Variants in RHOJ observed in about 807,000 individuals in gnomAD.
RHOJ encodes rho-related GTP-binding protein RhoJ.
A neutral mutation model predicts 23.4 loss-of-function variants in RHOJ; 11 were observed. That is an observed-to-expected ratio of 0.47 (90% CI 0.30 to 0.78). The LOEUF (loss-of-function observed/expected upper bound fraction) is 0.78, where lower values mean the gene tolerates loss of function less well. Among genes scored for constraint, RHOJ ranks in the 30% least tolerant of loss-of-function variants. RHOJ has a pLI of 0.08. For missense variants in RHOJ, 254 were observed against 273.4 expected (o/e 0.93, Z 0.50); for synonymous variants, 102 against 102.7 (o/e 0.99, Z 0.04).
chr14:63,258,097 G>A (rs930295901), intron 1 of RHOJ, among the ~76,000 whole-genome samples: 2 of 145,432 alleles, frequency 1.4e-5, no homozygotes, highest in South Asian at 2.1e-4. Context: ...GCTCAGTGGC[G>A]GGCGCCTGTC....
chr14:63,209,490 G>A (rs187487692), intron 1 of RHOJ, among the ~76,000 whole-genome samples: 218 of 109,984 alleles, frequency 2.0e-3, no homozygotes, highest in East Asian at 2.8e-3. Context: ...ATACTATTCC[G>A]CTAGATCCCC....
intron 1 of RHOJ, among the ~76,000 whole-genome samples, chr14:63,234,033 CT>C (rs1283086681): frequency 6.6e-6 from 1 of 152,244 alleles, no homozygotes; most frequent in African/African-American, 2.4e-5. Context: ...CAGTCCCACA[CT>C]CTCATTTCCA....
chr14:63,223,786 C>T (rs1249582321), intron 1 of RHOJ, among the ~76,000 whole-genome samples: 1 of 152,142 alleles, frequency 6.6e-6, no homozygotes, highest in Non-Finnish European at 1.5e-5. Flanking sequence ...GATTAGGGTT[C>T]AACCTCATCG....
chr14:63,229,192 GTGAGTCCAAATAATT>G (rs1486893398), intron 1 of RHOJ, among the ~76,000 whole-genome samples: 39 of 152,236 alleles, frequency 2.6e-4, no homozygotes, highest in Admixed American at 5.2e-4. Flanking sequence ...TATCTACAAA[GTGAGTCCAAATAATT>G]TGGGTCCAAA....
intron 1 of RHOJ, among the ~76,000 whole-genome samples, chr14:63,245,143 T>C (rs529220327): frequency 1.1e-4 from 16 of 152,346 alleles, no homozygotes; most frequent in Non-Finnish European, 1.9e-4. Flanking sequence ...AAACCCAAAG[T>C]GTTTCCATCT....
intron 1 of RHOJ, among the ~76,000 whole-genome samples, chr14:63,210,170 C>G (rs1249211949): frequency 6.6e-6 from 1 of 151,900 alleles, no homozygotes; most frequent in African/African-American, 2.4e-5. Flanking sequence ...CCATGTTGGC[C>G]AGGATGGTCT....
chr14:63,267,323 G>C (rs532481939), intron 1 of RHOJ, among the ~76,000 whole-genome samples: 1 of 152,298 alleles, frequency 6.6e-6, no homozygotes, highest in African/African-American at 2.4e-5. Context: ...GCACTCCAGG[G>C]CTCCCATAAC....
chr14:63,286,075 C>G lies in RHOJ; in HGVS notation c.498+2859C>G, dbSNP rs553762276. On this transcript the variant is annotated intron_variant, in intron 4 of 4. Transcript: ENST00000316754. ...CATGCACAGGTGGGATTTAAAGCAGCAAAATTGCTGCAAACACCCTGTCAT... is the reference window on the plus strand; with the variant it reads ...CATGCACAGGTGGGATTTAAAGCAGGAAAATTGCTGCAAACACCCTGTCAT... 1.6e-4 allele frequency among the ~76,000 whole-genome samples: 24 copies of G among 152,266 alleles called. No homozygotes were observed. In the South Asian group the frequency reaches 5.0e-3, roughly 32 times the overall value.
intron 1 of RHOJ, among the ~76,000 whole-genome samples, chr14:63,228,644 G>A (rs1344687999): frequency 6.7e-6 from 1 of 149,804 alleles, no homozygotes; most frequent in African/African-American, 2.4e-5. Flanking sequence ...AAAAAAAGAC[G>A]AAAACAGAAT....
intron 1 of RHOJ, among the ~76,000 whole-genome samples, chr14:63,223,912 T>C (rs948401326): frequency 6.6e-6 from 1 of 152,196 alleles, no homozygotes; most frequent in Admixed American, 6.5e-5. Context: ...AAAAATAGCT[T>C]GTTGAGCAAA....
chr14:63,286,252 A>G (rs934223912), intron 4 of RHOJ, among the ~76,000 whole-genome samples: 1 of 152,208 alleles, frequency 6.6e-6, no homozygotes, highest in Non-Finnish European at 1.5e-5. Flanking sequence ...CAAAGGCCAG[A>G]AGAGGAGGGA....
chr14:63,257,388 C>T (rs1325368745), intron 1 of RHOJ, among the ~76,000 whole-genome samples: 1 of 150,098 alleles, frequency 6.7e-6, no homozygotes, highest in Non-Finnish European at 1.5e-5. Context: ...GTTTAACAAT[C>T]CTCCAGAATT....
At chr14:63,275,113 A>G (rs959955758) in intron 2 of RHOJ, among the ~76,000 whole-genome samples, 1 of 152,088 alleles carries the variant, frequency 6.6e-6, no homozygotes, top group South Asian at 2.1e-4. Flanking sequence ...CTGAATAAGA[A>G]TTTGCACTTT....
At chr14:63,217,286 G>C (rs1894385212) in intron 1 of RHOJ, among the ~76,000 whole-genome samples, 1 of 137,518 alleles carries the variant, frequency 7.3e-6, no homozygotes, top group Non-Finnish European at 1.5e-5. Context: ...CCCTTCCTGT[G>C]TCCATGTGAT....
intron 1 of RHOJ, among the ~76,000 whole-genome samples, chr14:63,228,754 A>C (rs537163047): frequency 6.6e-6 from 1 of 152,362 alleles, no homozygotes; most frequent in African/African-American, 2.4e-5. Flanking sequence ...TGGATAAATG[A>C]GAAACATGAG....
chr14:63,280,916 T>C (rs7146249), intron 2 of RHOJ, 55 bp from the exon 3 acceptor site: 233,659 of 1,506,578 alleles, frequency 0.16, 30,444 homozygotes, highest in African/African-American at 0.67. Flanking sequence ...ACCTTGGAAC[T>C]ACATGGGACA....
intron 2 of RHOJ, among the ~76,000 whole-genome samples, chr14:63,271,489 C>A (rs904907430): frequency 2.0e-5 from 3 of 152,238 alleles, no homozygotes; most frequent in Non-Finnish European, 4.4e-5. Context: ...GTGTCAGAAT[C>A]ACCTGTAGGG....
At chr14:63,218,212 G>C (rs1354677360) in intron 1 of RHOJ, among the ~76,000 whole-genome samples, 1 of 152,112 alleles carries the variant, frequency 6.6e-6, no homozygotes, top group African/African-American at 2.4e-5. Context: ...AAGTTCAAGA[G>C]ACCACATGGC....
intron 1 of RHOJ, among the ~76,000 whole-genome samples, chr14:63,234,883 G>C (rs984204080): frequency 6.6e-6 from 1 of 152,100 alleles, no homozygotes; most frequent in African/African-American, 2.4e-5. Context: ...CCAATCATTT[G>C]CTAAACATAT....
Sources: gnomAD v4.1 joint callset for allele counts (sites outside exome capture counted in the v4.1 genomes callset) on GRCh38, gnomAD v4.1.1 for gene constraint, MANE v1.5 for transcripts, NCBI Gene and HGNC (gene_info 2026-07-23, HGNC 2026-07-21) for gene names.